TRPM1: variants seen among roughly 807,000 people sequenced by gnomAD.
The protein encoded by TRPM1 is TRPM1-203 APA Isoform, Intron 10.
TRPM1 carries 113 observed loss-of-function variants against 149.4 expected under a neutral mutation model. The ratio of observed to expected loss-of-function variants is 0.76; its 90% confidence interval spans 0.65 to 0.88. TRPM1 has a LOEUF of 0.88. Ranked by LOEUF, TRPM1 falls within the 40% of genes least tolerant of loss-of-function variation. The pLI is 0.00. For synonymous variants in TRPM1, 741 were observed against 759.5 expected (o/e 0.98, Z 0.40); for missense variants, 1,976 against 2,038.7 (o/e 0.97, Z 0.59).
rs201890748 is a variant in TRPM1 at position 31,026,201 on chromosome 15, G to A, written c.3567C>T (p.Phe1189=). ...ACTGCTGCTCATCCTCCTTCTCCCGGAAGTGCTCCTGCACGCACTGCTCCT... is the reference window on the plus strand; with the variant it reads ...ACTGCTGCTCATCCTCCTTCTCCCGAAAGTGCTCCTGCACGCACTGCTCCT... ...EFEEQCVQEH[F]REKEDEQQSS... Residue 1189 remains phenylalanine, a synonymous_variant, in exon 27 of 28, where the codon TTC becomes TTT. Transcript: ENST00000256552. 6.2e-7 allele frequency: 1 copy of A among 1,612,576 alleles called. No individual in the cohort carries two copies. Among genetic ancestry groups the A allele is most frequent in the South Asian group, 1.1e-5 (1 of 91,076 alleles).
At chr15:31,092,544 G>T (rs949871383) in intron 1 of TRPM1, among the ~76,000 whole-genome samples, 4 of 152,174 alleles carry the variant, frequency 2.6e-5, no homozygotes, top group African/African-American at 9.7e-5. Context: ...TCCAAAATGG[G>T]CATTTGCTTT....
At chr15:31,071,617 T>C (rs901474734) in intron 3 of TRPM1, among the ~76,000 whole-genome samples, 8 of 151,782 alleles carry the variant, frequency 5.3e-5, no homozygotes, top group Non-Finnish European at 1.0e-4. Flanking sequence ...CTCTCTCTCT[T>C]TTTTCCTTTT....
Position 31,037,821 on chromosome 15 carries a change from A to C in TRPM1, c.2461T>G (p.Ser821Ala), listed in dbSNP as rs746290263. The C allele has an allele frequency of 6.2e-7, 1 of 1,614,160 alleles. No individual in the cohort carries two copies. Among genetic ancestry groups the C allele is most frequent in the Non-Finnish European group, 8.5e-7 (1 of 1,180,030 alleles). ...ENTDANADAG[S>A]RKGDEENEHK... is the part of the protein sequence containing the mutation. Reference sequence around the variant, plus strand: ...TCGTTCTCCTCATCCCCCTTTCTTGAGCCAGCATCTGCATTTGCATCCTGG... The same window carrying C: ...TCGTTCTCCTCATCCCCCTTTCTTGCGCCAGCATCTGCATTTGCATCCTGG... The change falls in exon 20 of 28, where the codon TCA (serine) becomes GCA (alanine). Residue 821 changes from serine (S) to alanine (A), a missense_variant. Around this residue, in one of 3 missense-constraint regions of TRPM1, gnomAD observed 1,332 missense variants for 1,347.1 expected, o/e 0.99. Transcript: ENST00000256552.
chr15:31,106,695 G>A (rs866213878), upstream of TRPM1, among the ~76,000 whole-genome samples: 15 of 152,248 alleles, frequency 9.9e-5, no homozygotes, highest in Middle Eastern at 6.8e-3. Context: ...CCGTGTCAAT[G>A]GGCACTTGAG....
rs79374228 is a variant in TRPM1, at chr15:31,155,455, C to T, written c.54+5451G>A. Among the ~76,000 whole-genome samples, 492 of 152,356 alleles carry T rather than the reference C, an allele frequency of 3.2e-3. 3 individuals are homozygous for T. The highest frequency in any genetic ancestry group is 0.011 in the African/African-American group (463 of 41,584). On this transcript the variant is annotated intron_variant, in intron 1 of 26. Coordinates refer to the TRPM1 transcript ENST00000542188. ...CTCTATCACCTGTTTGTGCCTTAGG[C>T]AGGCACAAACCGTTGAGGCTGTGCT...
intron 11 of TRPM1, 190 bp downstream of exon 11, chr15:31,060,354 G>A: frequency 3.1e-6 from 2 of 641,086 alleles, no homozygotes; most frequent in South Asian, 3.7e-5. Flanking sequence ...TGGTTTGAAT[G>A]TGGAATTACT....
chr15:31,001,677 T>C lies in TRPM1; in HGVS notation c.*145A>G. ...ACATATGCTAACAAAATACTACTTT[T>C]AGTGCATTAAATTGTAAATCAAGTC... On this transcript the variant is annotated 3_prime_UTR_variant, in exon 28 of 28. Coordinates refer to ENST00000256552, the MANE Select transcript of TRPM1 (RefSeq NM_001252024.2). 1 of 776,016 alleles carries C rather than the reference T, an allele frequency of 1.3e-6. No homozygotes were observed. Among genetic ancestry groups the C allele is most frequent in the Non-Finnish European group, 2.0e-6 (1 of 492,078 alleles). 48.1% of individuals were successfully genotyped at this position (776,016 alleles called of 1,614,324 possible).
At chr15:31,058,999 C>T (rs1180290675) in intron 11 of TRPM1, among the ~76,000 whole-genome samples, 1 of 152,180 alleles carries the variant, frequency 6.6e-6, no homozygotes, top group Non-Finnish European at 1.5e-5. Flanking sequence ...AGGAGAATCG[C>T]TTGAATCCGG....
chr15:31,142,828 T>A (rs1229421770), intron 1 of TRPM1, among the ~76,000 whole-genome samples: 3 of 152,202 alleles, frequency 2.0e-5, no homozygotes, highest in Non-Finnish European at 2.9e-5. Flanking sequence ...GAAAACATTG[T>A]CAAATAAGAA....
intron 1 of TRPM1, among the ~76,000 whole-genome samples, chr15:31,137,048 C>CT (rs977855070): frequency 1.3e-5 from 2 of 152,186 alleles, no homozygotes; most frequent in African/African-American, 4.8e-5. Context: ...GTTCTGCTCT[C>CT]TTTTGCATTA....
At chr15:31,126,412 G>A (rs974388866) in intron 1 of TRPM1, among the ~76,000 whole-genome samples, 1 of 152,284 alleles carries the variant, frequency 6.6e-6, no homozygotes, top group Non-Finnish European at 1.5e-5. Context: ...TACCTCCTGT[G>A]ATCAATGCAT....
At position 31,035,639 on chromosome 15, in the gene TRPM1, G is replaced by T. The variant is rs1052580763; in HGVS notation, c.2607C>A (p.Tyr869Ter). ...SYLGYLLLFN[Y>*]VILVRMDGWP... ...AGCCATCCATCCGCACCAGGATGACGTAGTTAAACAGCAGCAGGTAGCCCA... is the reference window on the plus strand; with the variant it reads ...AGCCATCCATCCGCACCAGGATGACTTAGTTAAACAGCAGCAGGTAGCCCA... Residue 869 changes from tyrosine to a stop codon, truncating the protein, a stop_gained, in exon 21 of 28, where the codon TAC becomes TAA. Coordinates refer to ENST00000256552, the MANE Select transcript of TRPM1 (RefSeq NM_001252024.2). LOFTEE classifies it high-confidence loss of function. The T allele has an allele frequency of 1.3e-5, 21 of 1,614,212 alleles. No homozygotes were observed. The highest frequency in any genetic ancestry group is 1.8e-5 in the Non-Finnish European group (21 of 1,180,040).
chr15:31,081,512 C>A, intron 1 of TRPM1, 74 bp from the exon 2 acceptor site: 1 of 960,966 alleles, frequency 1.0e-6, no homozygotes. Context: ...ATGAACAAAT[C>A]CTGCCCTCCC....
Position 31,083,492 on chromosome 15 carries a change from C to T in TRPM1, c.-83-2054G>A, listed in dbSNP as rs148847777. ...GCCCTGACAGCTCCCTGGGACCTGC[C>T]TTTGCCCGGCTCCTAGGGGCACCTG... On this transcript the variant is annotated intron_variant, in intron 1 of 27. Coordinates refer to ENST00000256552, the MANE Select transcript of TRPM1 (RefSeq NM_001252024.2). Among the ~76,000 whole-genome samples the T allele has an allele frequency of 3.7e-4, 56 of 152,326 alleles. No individual in the cohort carries two copies. The East Asian group carries it at 7.7e-3, about 21-fold the overall frequency.
intron 7 of TRPM1, chr15:31,064,939 T>A: frequency 2.2e-6 from 1 of 454,556 alleles, no homozygotes; most frequent in Non-Finnish European, 4.6e-6. Context: ...GGATTGATAT[T>A]TTCAATCTTT....
chr15:31,058,278 A>T (rs2034138623), intron 11 of TRPM1, among the ~76,000 whole-genome samples: 1 of 152,246 alleles, frequency 6.6e-6, no homozygotes, highest in African/African-American at 2.4e-5. Flanking sequence ...AAAAGCAAAT[A>T]TCTATTCAAA....
At chr15:31,081,527 T>C (rs2034858731) in intron 1 of TRPM1, 89 bp from the exon 2 acceptor site, 1 of 800,404 alleles carries the variant, frequency 1.2e-6, no homozygotes, top group African/African-American at 1.7e-5. Context: ...CCTCCCTTTG[T>C]TCCAGTCTCT....
In TRPM1 at chr15:31,028,496, TTG is replaced by T; in HGVS notation, c.3149-22_3149-21del. ...AAGGAGCTGAAAGAAAAAAATAGTT[TTG>T]TCTTTGCTTTTTACATATAATGAAA... On this transcript the variant is annotated intron_variant, in intron 24 of 27. Transcript: ENST00000256552. The T allele has an allele frequency of 6.2e-7, 1 of 1,613,642 alleles. No homozygotes were observed. The highest frequency in any genetic ancestry group is 8.5e-7 in the Non-Finnish European group (1 of 1,179,926).
chr15:31,149,974 C>T (rs568915114), intron 1 of TRPM1, among the ~76,000 whole-genome samples: 2 of 152,310 alleles, frequency 1.3e-5, no homozygotes, highest in Admixed American at 1.3e-4. Context: ...ATATCCTGTG[C>T]TTGCTGCATC....
Sources: gnomAD v4.1 joint callset for allele counts (sites outside exome capture counted in the v4.1 genomes callset) on GRCh38, gnomAD v4.1.1 for gene constraint, gnomAD v4.1.1 regional missense constraint, MANE v1.5 for transcripts, NCBI Gene and HGNC (gene_info 2026-07-23, HGNC 2026-07-21) for gene names.